Variants in DHX35 observed in about 807,000 individuals in gnomAD.
DHX35 encodes the protein DEAH-box helicase 35, also known as probable ATP-dependent RNA helicase DHX35.
In DHX35, 84 loss-of-function variants were observed where a neutral mutation model predicts 99.6. The ratio of observed to expected loss-of-function variants is 0.84; its 90% CI spans 0.71 to 1.01. The LOEUF is 1.01. Ranked by LOEUF, DHX35 falls within the 50% of genes least tolerant of loss-of-function variation. The pLI, the probability that DHX35 is intolerant of heterozygous loss-of-function variation, is 0.00. For synonymous variants in DHX35, 331 were observed against 316.2 expected (o/e 1.05, Z -0.50); for missense variants, 852 against 888.5 (o/e 0.96, Z 0.52).
At chr20:38,997,720 T>C (rs1317251711) in intron 8 of DHX35, among the ~76,000 whole-genome samples, 1 of 151,880 alleles carries the variant, frequency 6.6e-6, no homozygotes, top group Non-Finnish European at 1.5e-5. Context: ...TGTGGGTCCG[T>C]GTGTGAGGGG....
rs956700648 is a variant in DHX35 at position 39,038,840 on chromosome 20, C to T, written c.*297C>T. On this transcript the variant is annotated 3_prime_UTR_variant, in exon 22 of 22. Coordinates refer to ENST00000252011, the MANE Select transcript of DHX35 (RefSeq NM_021931.4). ...CAGCATGCCACTTCCAGCAGGCATG[C>T]AGTCCTGGCCCAGCTCTATGGGAAA... 7 of 469,270 alleles carry T rather than the reference C, an allele frequency of 1.5e-5. No individual in the cohort carries two copies. In the East Asian group the frequency reaches 2.8e-4, roughly 18 times the overall value. The allele number at this position is 469,270 out of a possible 1,614,324, so 29.1% of individuals were successfully genotyped here.
intron 17 of DHX35, 68 bp downstream of exon 17, chr20:39,023,835 G>A (rs2086910382): frequency 1.5e-6 from 2 of 1,339,296 alleles, no homozygotes; most frequent in African/African-American, 2.9e-5. Context: ...TAGGAGGGAG[G>A]ATCCCAGAAG....
At chr20:39,023,578 TC>T in intron 16 of DHX35, 111 bp from the exon 17 acceptor site, 1 of 964,878 alleles carries the variant, frequency 1.0e-6, no homozygotes, top group South Asian at 1.4e-5. Flanking sequence ...GTCTCGAACT[TC>T]TGGGTTCAGG....
intron 11 of DHX35, among the ~76,000 whole-genome samples, chr20:39,005,695 C>T (rs952357365): frequency 2.6e-5 from 4 of 152,170 alleles, no homozygotes; most frequent in African/African-American, 7.2e-5. Flanking sequence ...GTTTATCCTA[C>T]ATCCCAGCAC....
intron 1 of DHX35, among the ~76,000 whole-genome samples, chr20:38,965,994 A>C (rs1390188769): frequency 2.0e-5 from 3 of 152,250 alleles, no homozygotes; most frequent in African/African-American, 7.2e-5. Context: ...AAAGTTGTTC[A>C]TAAACAGTAT....
chr20:38,992,509 C>T (rs1370663874), intron 7 of DHX35, 84 bp downstream of exon 7: 12 of 1,244,728 alleles, frequency 9.6e-6, no homozygotes, highest in Non-Finnish European at 1.4e-5. Flanking sequence ...TTGGAAAGTA[C>T]AACAAAATAC....
rs1352617319 is a variant in DHX35 at position 39,010,324 on chromosome 20, C to T, written c.1267C>T (p.Gln423Ter). Residue 423 changes from glutamine (Q) to a stop codon, truncating the protein, a stop_gained, in exon 13 of 22, where the codon CAG becomes TAG. Transcript: ENST00000252011. LOFTEE classifies it high-confidence loss of function. ...GCCTCAGTCTACGGTTCCTGAGATG[C>T]AGCGTAGTAATTTGGCACCTGTCAT... ...KLPQSTVPEM[Q>*]RSNLAPVILQ... 4 of 1,614,086 alleles carry T rather than the reference C, an allele frequency of 2.5e-6. No homozygotes were observed. In the African/African-American group the frequency reaches 5.3e-5, roughly 22 times the overall value.
Position 39,030,750 on chromosome 20 carries a change from C to G in DHX35, c.1930C>G (p.Leu644Val), listed in dbSNP as rs2087035671. The change falls in exon 20 of 22, where the codon CTC (leucine) becomes GTC (valine). Residue 644 changes from leucine (L) to valine (V), a missense_variant. Transcript: ENST00000252011. The part of the protein sequence containing the change: ...HELHIHPASV[L>V]YAEKPPRWVI... Reference sequence around the variant, plus strand: ...GCTGCACATACACCCTGCGTCAGTCCTCTATGCAGAGAAGCCGCCTCGCTG... The same window carrying G: ...GCTGCACATACACCCTGCGTCAGTCGTCTATGCAGAGAAGCCGCCTCGCTG... 6.2e-7 allele frequency: 1 copy of G among 1,614,046 alleles called. No individual in the cohort carries two copies. Among genetic ancestry groups the G allele is most frequent in the Non-Finnish European group, 8.5e-7 (1 of 1,180,038 alleles).
At chr20:38,997,089 G>T (rs2086442712) in intron 8 of DHX35, among the ~76,000 whole-genome samples, 1 of 139,084 alleles carries the variant, frequency 7.2e-6, no homozygotes, top group African/African-American at 2.8e-5. Flanking sequence ...TTTATTTTTT[G>T]ACACCAAGTC....
rs2086768693 is a variant in DHX35 at position 39,015,380 on chromosome 20, A to G, written c.1402+446A>G. ...GGGGACATTATCAGCTTCTAACACCATGTTACGGGGGAACTTCTATTCAGT... is the reference window on the plus strand; with the variant it reads ...GGGGACATTATCAGCTTCTAACACCGTGTTACGGGGGAACTTCTATTCAGT... On this transcript the variant is annotated intron_variant, in intron 14 of 21. Transcript: ENST00000252011. Among the ~76,000 whole-genome samples, 2 of 152,156 alleles carry G rather than the reference A, an allele frequency of 1.3e-5. 1 individual carries two copies. Among genetic ancestry groups the G allele is most frequent in the South Asian group, 4.1e-4 (2 of 4,822 alleles).
chr20:38,979,202 A>G (rs1312349555), intron 3 of DHX35, among the ~76,000 whole-genome samples: 13 of 151,964 alleles, frequency 8.6e-5, no homozygotes, highest in Admixed American at 8.5e-4. Flanking sequence ...ATGTGAACAT[A>G]ATTTACCAAT....
chr20:39,002,128 A>T (rs757757239), intron 9 of DHX35, among the ~76,000 whole-genome samples: 1 of 152,204 alleles, frequency 6.6e-6, no homozygotes, highest in Non-Finnish European at 1.5e-5. Context: ...AGTTTTCAGA[A>T]CTGGGGTTTA....
chr20:39,009,411 T>C (rs2086665500), intron 12 of DHX35, among the ~76,000 whole-genome samples: 1 of 149,750 alleles, frequency 6.7e-6, no homozygotes, highest in African/African-American at 2.4e-5. Context: ...TCATGGCACT[T>C]TTTTTTTTTT....
rs978535949 is a variant in DHX35 at position 39,014,487 on chromosome 20, TCCCCGAG to T, written c.1348-389_1348-383del. On this transcript the variant is annotated intron_variant, in intron 13 of 21. Coordinates refer to ENST00000252011, the MANE Select transcript of DHX35 (RefSeq NM_021931.4). The stretch of plus-strand genomic sequence containing the variant: ...CTATGGGGGATGCAAAGATAAATCA[TCCCCGAG>T]CCCTGAGTGCTGCAGTGTCCTGGGG... 6.6e-5 allele frequency among the ~76,000 whole-genome samples: 10 copies of T among 152,296 alleles called. No homozygotes were observed. In the East Asian group the frequency reaches 1.9e-3, roughly 29 times the overall value.
chr20:39,018,751 C>A, intron 14 of DHX35, 53 bp from the exon 15 acceptor site: 1 of 1,545,774 alleles, frequency 6.5e-7, no homozygotes, highest in Non-Finnish European at 8.9e-7. Context: ...AACTGTGTGC[C>A]TTCCAACACA....
At chr20:38,972,502 GT>G in intron 2 of DHX35, 56 bp from the exon 3 acceptor site, 2 of 1,098,246 alleles carry the variant, frequency 1.8e-6, no homozygotes, top group Non-Finnish European at 2.8e-6. Flanking sequence ...AAATATCGTT[GT>G]TTAGGTCTTT....
At position 39,025,281 on chromosome 20, in the gene DHX35, C is replaced by G. The variant is rs780148641; in HGVS notation, c.1723C>G (p.Leu575Val). 31 of 1,613,454 alleles carry G rather than the reference C, an allele frequency of 1.9e-5. No homozygotes were observed. In the South Asian group the frequency reaches 3.2e-4, roughly 17 times the overall value. ...GGAACATTTCCTGAATTACAAGGGT[C>G]TTGTCAGAGCTGCGACTGTAAGAGA... ...CQEHFLNYKG[L>V]VRAATVREQL... The change falls in exon 18 of 22, where the codon CTT (leucine) becomes GTT (valine). Residue 575 changes from leucine (L) to valine (V), a missense_variant. Coordinates refer to ENST00000252011, the MANE Select transcript of DHX35 (RefSeq NM_021931.4).
chr20:39,012,055 C>T (rs1424560967), intron 13 of DHX35, among the ~76,000 whole-genome samples: 1 of 152,116 alleles, frequency 6.6e-6, no homozygotes, highest in Non-Finnish European at 1.5e-5. Context: ...CAAGACCAGC[C>T]TGGCCAACAT....
intron 2 of DHX35, among the ~76,000 whole-genome samples, chr20:38,970,144 A>C (rs2085972402): frequency 6.6e-6 from 1 of 152,178 alleles, no homozygotes; most frequent in African/African-American, 2.4e-5. Flanking sequence ...GCTGGTCACG[A>C]ACCCCTGAGC....
Sources: gnomAD v4.1 joint callset for allele counts (sites outside exome capture counted in the v4.1 genomes callset) on GRCh38, gnomAD v4.1.1 for gene constraint, MANE v1.5 for transcripts, NCBI Gene and HGNC (gene_info 2026-07-23, HGNC 2026-07-21) for gene names.